The following TP63 variants were observed in gnomAD, a reference collection of about 807,000 sequenced individuals.
The protein encoded by TP63 is tumor protein 63.
Under a neutral mutation model 82.8 loss-of-function variants are expected in TP63, and 17 were observed. The observed-to-expected ratio is 0.21, with a 90% confidence interval of 0.14 to 0.31. The LOEUF is 0.31. TP63 is among the 10% of genes least tolerant of loss of function. TP63 has a pLI of 1.00. For synonymous variants in TP63, 330 were observed against 321.7 expected (o/e 1.03, Z -0.28); for missense variants, 648 against 895.3 (o/e 0.72, Z 3.52).
At chr3:189,647,464 C>G (rs16848825) in intron 1 of TP63, among the ~76,000 whole-genome samples, 6,233 of 146,798 alleles carry the variant, frequency 0.042, 620 homozygotes, top group Non-Finnish European at 0.055. Context: ...CTAAGATGGT[C>G]CAACTCAACA....
At chr3:189,616,283 A>AG in the TP63 span, among the ~76,000 whole-genome samples, 214 of 152,326 alleles carry the variant, frequency 1.4e-3, no homozygotes, top group African/African-American at 5.0e-3. Context: ...ATATCCAGTC[A>AG]TGGAATTGTC....
chr3:189,794,800 C>T (rs1725524759), intron 3 of TP63, among the ~76,000 whole-genome samples: 1 of 151,972 alleles, frequency 6.6e-6, no homozygotes, highest in South Asian at 2.1e-4. Context: ...TTGAGATTGC[C>T]TAGAAGTATG....
intron 1 of TP63, among the ~76,000 whole-genome samples, chr3:189,689,165 G>C (rs954091598): frequency 3.3e-5 from 4 of 121,794 alleles, no homozygotes; most frequent in Non-Finnish European, 6.3e-5. Flanking sequence ...CGCCCAGGCT[G>C]GAGTGCAATG....
chr3:189,711,360 C>T (rs1169135432), intron 1 of TP63, among the ~76,000 whole-genome samples: 1 of 152,098 alleles, frequency 6.6e-6, no homozygotes, highest in Non-Finnish European at 1.5e-5. Context: ...GAGGTTCTAC[C>T]TCATCTTTAG....
At chr3:189,674,174 GA>G (rs1456498377) in intron 1 of TP63, among the ~76,000 whole-genome samples, 2 of 152,104 alleles carry the variant, frequency 1.3e-5, no homozygotes, top group African/African-American at 4.8e-5. Flanking sequence ...GGTCTTTGCA[GA>G]AGTGGCAAGT....
At chr3:189,607,546 T>C in the TP63 span, among the ~76,000 whole-genome samples, 4 of 152,022 alleles carry the variant, frequency 2.6e-5, no homozygotes, top group Non-Finnish European at 4.4e-5. Flanking sequence ...GTAAAATGGA[T>C]AAGTAAGATG....
At chr3:189,675,725 G>A (rs899982857) in intron 1 of TP63, among the ~76,000 whole-genome samples, 2 of 152,032 alleles carry the variant, frequency 1.3e-5, no homozygotes, top group African/African-American at 4.8e-5. Flanking sequence ...ACCCACCACT[G>A]TGCTGGGTGA....
intron 1 of TP63, among the ~76,000 whole-genome samples, chr3:189,662,583 A>G (rs1464845210): frequency 6.6e-6 from 1 of 152,106 alleles, no homozygotes; most frequent in Non-Finnish European, 1.5e-5. Flanking sequence ...CTGAATAAAC[A>G]TCTAGTGTTT....
Position 189,866,462 on chromosome 3 carries a change from G to A in TP63, c.767-220G>A, listed in dbSNP as rs544863162. ...AAATTATAGGACTGTTCCCTTAACT[G>A]TAGATGTGCATTCCAGCCCTTTCTG... On this transcript the variant is annotated intron_variant, in intron 5 of 13. Transcript: ENST00000264731. Among the ~76,000 whole-genome samples, 16 of 152,132 alleles carry A rather than the reference G, an allele frequency of 1.1e-4. 1 individual carries two copies. Among genetic ancestry groups the A allele is most frequent in the Non-Finnish European group, 2.2e-4 (15 of 68,038 alleles).
chr3:189,722,428 C>G (rs1719460571), intron 1 of TP63, among the ~76,000 whole-genome samples: 1 of 152,210 alleles, frequency 6.6e-6, no homozygotes, highest in African/African-American at 2.4e-5. Context: ...CTGTAAAATG[C>G]ACGATAGAAT....
At chr3:189,614,399 C>A in the TP63 span, among the ~76,000 whole-genome samples, 2 of 152,162 alleles carry the variant, frequency 1.3e-5, no homozygotes, top group Non-Finnish European at 2.9e-5. Context: ...ACGTGGAATT[C>A]TAAGTCCAAT....
intron 4 of TP63, among the ~76,000 whole-genome samples, chr3:189,817,615 C>T (rs1188880801): frequency 6.6e-6 from 1 of 152,046 alleles, no homozygotes; most frequent in Non-Finnish European, 1.5e-5. Context: ...GAATCTGTAT[C>T]ATAACGATGC....
intron 3 of TP63, among the ~76,000 whole-genome samples, chr3:189,766,503 G>A (rs1299351367): frequency 6.6e-6 from 1 of 152,092 alleles, no homozygotes; most frequent in Non-Finnish European, 1.5e-5. Context: ...TCTGGAGTTG[G>A]TGAAAGGAGA....
intron 9 of TP63, among the ~76,000 whole-genome samples, chr3:189,870,311 T>C (rs2108812278): frequency 6.6e-6 from 1 of 152,086 alleles, no homozygotes; most frequent in East Asian, 1.9e-4. Context: ...TCAAAAATAG[T>C]TGGAAAAAAA....
At chr3:189,700,592 C>T (rs1376007993) in intron 1 of TP63, among the ~76,000 whole-genome samples, 1 of 152,148 alleles carries the variant, frequency 6.6e-6, no homozygotes, top group Non-Finnish European at 1.5e-5. Flanking sequence ...AATGTGGCAT[C>T]ACCATTCAGG....
At chr3:189,706,353 T>C (rs1202476254) in intron 1 of TP63, among the ~76,000 whole-genome samples, 1 of 152,050 alleles carries the variant, frequency 6.6e-6, no homozygotes, top group Non-Finnish European at 1.5e-5. Flanking sequence ...GCCTCCTGGG[T>C]TCAAGTGATT....
In TP63 at chr3:189,816,771, A is replaced by G. The variant is rs141266881; in HGVS notation, c.579+8245A>G. ...TTTTAGAATGATGGATCCTGTAATG[A>G]GGCACACAGAGGCGTAAAGGTAATG... is the stretch of plus-strand genomic sequence containing the variant. On this transcript the variant is annotated intron_variant, in intron 4 of 13. Transcript: ENST00000264731. Among the ~76,000 whole-genome samples the G allele has an allele frequency of 5.3e-4, 80 of 152,296 alleles. 2 individuals carry two copies. In the East Asian group the frequency reaches 0.013, roughly 25 times the overall value.
chr3:189,813,811 TAAAGG>T (rs758931997), intron 4 of TP63, among the ~76,000 whole-genome samples: 12 of 152,258 alleles, frequency 7.9e-5, no homozygotes, highest in East Asian at 3.9e-4. Context: ...CTCTCATAAT[TAAAGG>T]AAACAATTGT....
At chr3:189,681,264 A>AAG (rs1715878144) in intron 1 of TP63, among the ~76,000 whole-genome samples, 1 of 152,036 alleles carries the variant, frequency 6.6e-6, no homozygotes, top group Admixed American at 6.6e-5. Context: ...TCCTGGTAAT[A>AAG]TATTTTCATA....
Sources: gnomAD v4.1 joint callset for allele counts (sites outside exome capture counted in the v4.1 genomes callset) on GRCh38, gnomAD v4.1.1 for gene constraint, MANE v1.5 for transcripts, NCBI Gene and HGNC (gene_info 2026-07-23, HGNC 2026-07-21) for gene names.